Variants in ZFHX3 observed in about 807,000 individuals in gnomAD.
ZFHX3 encodes zinc finger homeobox 3, also known as zinc finger homeobox protein 3.
In ZFHX3, 42 loss-of-function variants were observed where a neutral mutation model predicts 279.1. The observed-to-expected ratio is 0.15, with a 90% CI of 0.12 to 0.19. The LOEUF is 0.19. Ranked by LOEUF, ZFHX3 falls within the 10% of genes least tolerant of loss-of-function variation. The probability of loss-of-function intolerance (pLI) is 1.00; values close to 1 mark genes in which losing one functional copy is unlikely to be tolerated. For synonymous variants in ZFHX3, 2,293 were observed against 1,957.8 expected (o/e 1.17, Z -4.52); for missense variants, 4,981 against 4,754.0 (o/e 1.05, Z -1.40).
chr16:73,792,837 G>A (rs536751208), intron 1 of ZFHX3, among the ~76,000 whole-genome samples: 3 of 150,464 alleles, frequency 2.0e-5, no homozygotes, highest in African/African-American at 7.4e-5. Context: ...ATGTAGTTTG[G>A]CCCTTGACCA....
intron 1 of ZFHX3, among the ~76,000 whole-genome samples, chr16:73,785,906 T>C (rs984177160): frequency 6.6e-6 from 1 of 152,106 alleles, no homozygotes; most frequent in African/African-American, 2.4e-5. Context: ...GTTTCACTCT[T>C]GTTTCCCAGG....
At chr16:73,838,762 C>CTG (rs34111835) in intron 1 of ZFHX3, among the ~76,000 whole-genome samples, 4,276 of 147,812 alleles carry the variant, frequency 0.029, 117 homozygotes, top group African/African-American at 0.066. Flanking sequence ...GTGTGTGTGT[C>CTG]TGTGTGTGTG....
At position 72,909,992 on chromosome 16, in the gene ZFHX3, C is replaced by G. The variant is rs184285892; in HGVS notation, c.3217-20030G>C. On this transcript the variant is annotated intron_variant, in intron 3 of 9. Transcript: ENST00000268489. The stretch of plus-strand genomic sequence containing the variant: ...TTAAGAGCCATTTAACTTTCAATTA[C>G]GAAATGAATTCAGAACAATTCAACT... Among the ~76,000 whole-genome samples, 12 of 151,888 alleles carry G rather than the reference C, an allele frequency of 7.9e-5. No homozygotes were observed. In the East Asian group the frequency reaches 2.3e-3, roughly 29 times the overall value.
intron 4 of ZFHX3, among the ~76,000 whole-genome samples, chr16:73,304,446 C>T (rs1399038279): frequency 5.9e-5 from 9 of 152,110 alleles, no homozygotes; most frequent in African/African-American, 1.4e-4. Context: ...TGATCTTATG[C>T]GCAGAGAGGC....
chr16:72,862,107 G>A (rs953933812), intron 4 of ZFHX3, among the ~76,000 whole-genome samples: 1 of 152,204 alleles, frequency 6.6e-6, no homozygotes, highest in Non-Finnish European at 1.5e-5. Flanking sequence ...GAGGAACTGT[G>A]TGACACACTG....
At chr16:73,522,424 G>T (rs978126053) in intron 2 of ZFHX3, among the ~76,000 whole-genome samples, 1 of 152,180 alleles carries the variant, frequency 6.6e-6, no homozygotes, top group Non-Finnish European at 1.5e-5. Flanking sequence ...CTAAGGAATG[G>T]GGGGAGTTCC....
chr16:73,265,015 CATAT>C (rs59599339), intron 4 of ZFHX3, among the ~76,000 whole-genome samples: 15 of 142,068 alleles, frequency 1.1e-4, no homozygotes, highest in Admixed American at 5.7e-4. Context: ...CACCTCAGTG[CATAT>C]ATATATATAT....
intron 2 of ZFHX3, among the ~76,000 whole-genome samples, chr16:73,594,180 A>G (rs2052026277): frequency 6.6e-6 from 1 of 152,190 alleles, no homozygotes; most frequent in Admixed American, 6.5e-5. Context: ...AATATACTAA[A>G]TCAATGGACA....
intron 4 of ZFHX3, among the ~76,000 whole-genome samples, chr16:73,305,241 C>T (rs1211516390): frequency 1.3e-5 from 2 of 152,080 alleles, no homozygotes; most frequent in African/African-American, 4.8e-5. Flanking sequence ...GGAAGCAATT[C>T]ACCAGGGGAG....
intron 4 of ZFHX3, among the ~76,000 whole-genome samples, chr16:73,263,514 C>A (rs1269092938): frequency 6.6e-6 from 1 of 152,152 alleles, no homozygotes; most frequent in Non-Finnish European, 1.5e-5. Context: ...GTGACCAATT[C>A]TCCACCTAGA....
intron 1 of ZFHX3, among the ~76,000 whole-genome samples, chr16:73,870,938 C>T (rs961704493): frequency 7.9e-5 from 12 of 152,110 alleles, no homozygotes; most frequent in African/African-American, 2.4e-4. Flanking sequence ...TAATCTGAAT[C>T]GTGTTTTGCA....
At chr16:73,575,683 T>C (rs2143813954) in intron 2 of ZFHX3, among the ~76,000 whole-genome samples, 1 of 152,256 alleles carries the variant, frequency 6.6e-6, no homozygotes, top group South Asian at 2.1e-4. Context: ...TCTATTTGTG[T>C]CAGTTTCCCT....
chr16:73,887,049 T>C (rs1441015558), intron 1 of ZFHX3, among the ~76,000 whole-genome samples: 62 of 152,224 alleles, frequency 4.1e-4, no homozygotes, highest in Non-Finnish European at 2.9e-5. Flanking sequence ...AAAATCCATA[T>C]GGTCACCTGA....
intron 1 of ZFHX3, among the ~76,000 whole-genome samples, chr16:73,867,002 C>T (rs1021151172): frequency 8.5e-5 from 13 of 152,064 alleles, no homozygotes; most frequent in African/African-American, 1.7e-4. Flanking sequence ...TGGCATCTCA[C>T]GTCGTCTTGT....
chr16:73,836,294 A>G (rs1417008132), intron 1 of ZFHX3, among the ~76,000 whole-genome samples: 1 of 152,200 alleles, frequency 6.6e-6, no homozygotes, highest in Non-Finnish European at 1.5e-5. Context: ...GGAGACAGTA[A>G]GCAACTTGAG....
chr16:73,245,558 C>A (rs768231944), intron 5 of ZFHX3, among the ~76,000 whole-genome samples: 1 of 152,152 alleles, frequency 6.6e-6, no homozygotes, highest in African/African-American at 2.4e-5. Flanking sequence ...AATGAGATGG[C>A]CTCAAATGAG....
intron 5 of ZFHX3, among the ~76,000 whole-genome samples, chr16:73,217,025 G>A (rs911738451): frequency 1.3e-5 from 2 of 152,184 alleles, no homozygotes; most frequent in Non-Finnish European, 2.9e-5. Context: ...TTGACCCACT[G>A]CCATTGCCCA....
At chr16:73,675,490 G>C (rs2052945224) in intron 2 of ZFHX3, among the ~76,000 whole-genome samples, 1 of 151,780 alleles carries the variant, frequency 6.6e-6, no homozygotes, top group Non-Finnish European at 1.5e-5. Flanking sequence ...GAATGTGTTG[G>C]GCTCTGTATC....
chr16:73,088,302 T>C (rs1339034385), intron 8 of ZFHX3, among the ~76,000 whole-genome samples: 1 of 151,928 alleles, frequency 6.6e-6, no homozygotes, highest in Non-Finnish European at 1.5e-5. Context: ...TGTGCCACCA[T>C]GCCCAGCTAA....
Sources: allele counts gnomAD v4.1 joint callset (sites outside exome capture counted in the v4.1 genomes callset), GRCh38; gene constraint gnomAD v4.1.1; transcripts MANE v1.5; gene names NCBI Gene and HGNC (gene_info 2026-07-23, HGNC 2026-07-21).